Variants in PCDHA2 observed in about 807,000 individuals in gnomAD.
PCDHA2 encodes protocadherin alpha-2.
In PCDHA2, 58 loss-of-function variants were observed where a neutral mutation model predicts 66.0. The ratio of observed to expected loss-of-function variants is 0.88; its 90% CI spans 0.71 to 1.09. The LOEUF (loss-of-function observed/expected upper bound fraction) is 1.09, where lower values mean the gene tolerates loss of function less well. Ranked by LOEUF, PCDHA2 falls within the 50% of genes least tolerant of loss-of-function variation. The pLI is 0.00. For synonymous variants in PCDHA2, 634 were observed against 554.0 expected (o/e 1.14, Z -2.03); for missense variants, 1,267 against 1,242.3 (o/e 1.02, Z -0.30).
intron 1 of PCDHA2, chr5:140,849,278 G>A (rs1427040308): frequency 8.5e-7 from 1 of 1,179,884 alleles, no homozygotes; most frequent in Non-Finnish European, 1.2e-6. Context: ...GAACGCTGGT[G>A]ATTCACCCCA....
At position 140,813,701 on chromosome 5, in the gene PCDHA2, T is replaced by A. The variant is rs1357326463; in HGVS notation, c.2388+16349T>A. The A allele has an allele frequency of 2.6e-5, 4 of 152,292 alleles. No individual in the cohort carries two copies. In the East Asian group the frequency reaches 7.7e-4, roughly 29 times the overall value. 9.4% of individuals were successfully genotyped at this position (152,292 alleles called of 1,614,324 possible). A position where few individuals can be genotyped will look rare whatever the true frequency, so the allele number is the denominator to read the frequency against. ...AGGCTACACTCAATTTATCAAAAAA[T>A]TTTCTTTTTACAGGCTGGTCATGGT... On this transcript the variant is annotated intron_variant, in intron 1 of 3. Transcript: ENST00000526136.
chr5:140,806,949 T>G, intron 1 of PCDHA2: 1 of 585,050 alleles, frequency 1.7e-6, no homozygotes, highest in Non-Finnish European at 3.0e-6. Flanking sequence ...GTAGAGTGTG[T>G]GGGGGTTTCC....
intron 1 of PCDHA2, among the ~76,000 whole-genome samples, chr5:140,902,546 A>G (rs1456804685): frequency 6.6e-6 from 1 of 152,088 alleles, no homozygotes; most frequent in Non-Finnish European, 1.5e-5. Context: ...TGTTCCTTCT[A>G]TACCCAGATT....
intron 1 of PCDHA2, chr5:140,830,206 C>G (rs2150182712): frequency 1.2e-6 from 2 of 1,613,782 alleles, no homozygotes; most frequent in Middle Eastern, 1.7e-4. Context: ...TCGCCATCTG[C>G]GCGGTATCCA....
chr5:140,956,132 C>T (rs782171826), intron 1 of PCDHA2, among the ~76,000 whole-genome samples: 1 of 152,028 alleles, frequency 6.6e-6, no homozygotes, highest in African/African-American at 2.4e-5. Context: ...ATTTGAATAC[C>T]CTTTATTTCT....
In PCDHA2 at chr5:140,853,190, C is replaced by A. The variant is rs1013741160; in HGVS notation, c.2388+55838C>A. On this transcript the variant is annotated intron_variant, in intron 1 of 3. Transcript: ENST00000526136. ...CACCGCGCCTGGCCTAAAATGTGTT[C>A]TTTATTATTGACGGCTGTATTGATG... is the stretch of plus-strand genomic sequence containing the variant. 7.1e-6 allele frequency: 7 copies of A among 980,440 alleles called. No individual in the cohort carries two copies. In the African/African-American group the frequency reaches 1.2e-4, roughly 17 times the overall value. The allele number at this position is 980,440 out of a possible 1,614,324, so 60.7% of individuals were successfully genotyped here.
intron 1 of PCDHA2, chr5:140,841,437 C>A (rs2150315470): frequency 1.2e-6 from 2 of 1,612,838 alleles, no homozygotes; most frequent in Non-Finnish European, 1.7e-6. Context: ...CCCGAGGAGG[C>A]CAAACACGGC....
At chr5:140,976,316 C>T (rs1336395893) in intron 1 of PCDHA2, among the ~76,000 whole-genome samples, 17 of 152,002 alleles carry the variant, frequency 1.1e-4, no homozygotes, top group Admixed American at 1.0e-3. Context: ...TTTGGGAGGC[C>T]GAGGAGGGTG....
chr5:140,875,865 G>C (rs782211791), intron 1 of PCDHA2: 6 of 1,614,160 alleles, frequency 3.7e-6, no homozygotes, highest in Non-Finnish European at 5.1e-6. Context: ...ACAACCCGCC[G>C]GTGTTCAGAG....
chr5:140,898,246 A>G (rs377438166), intron 1 of PCDHA2, among the ~76,000 whole-genome samples: 49 of 152,286 alleles, frequency 3.2e-4, no homozygotes, highest in African/African-American at 1.1e-3. Context: ...TTGGTGTTTT[A>G]GACATGAAGT....
chr5:140,967,453 C>A (rs782630345), intron 1 of PCDHA2: 1 of 1,613,556 alleles, frequency 6.2e-7, no homozygotes, highest in Non-Finnish European at 8.5e-7. Context: ...TTCTCACAGC[C>A]GTGGATGGGG....
chr5:140,941,310 C>T (rs1375547519), intron 1 of PCDHA2, among the ~76,000 whole-genome samples: 10 of 79,218 alleles, frequency 1.3e-4, no homozygotes, highest in Non-Finnish European at 1.8e-4. Flanking sequence ...CTTTCTTTTT[C>T]TTCTTTCTCT....
chr5:140,958,484 G>T (rs246009), intron 1 of PCDHA2, among the ~76,000 whole-genome samples: 1 of 151,754 alleles, frequency 6.6e-6, no homozygotes, highest in Non-Finnish European at 1.5e-5. Flanking sequence ...AGAGCACTAA[G>T]TCCACATATC....
intron 1 of PCDHA2, chr5:140,836,151 G>C: frequency 6.2e-7 from 1 of 1,613,828 alleles, no homozygotes. Context: ...CGCGGGCCAT[G>C]TGGTGGCGAA....
In PCDHA2 at chr5:140,795,678, T is replaced by C; in HGVS notation, c.714T>C (p.Asn238=). The C allele has an allele frequency of 1.9e-6, 3 of 1,614,122 alleles. No homozygotes were observed. Among genetic ancestry groups the C allele is most frequent in the South Asian group, 2.2e-5 (2 of 91,084 alleles). ...ILIKVLDVND[N]EPTFAQSVYK... is the part of the protein sequence containing the mutation. ...TTAAGGTATTAGATGTAAATGACAA[T>C]GAACCAACTTTTGCCCAATCAGTTT... Residue 238 remains asparagine (N), a synonymous_variant, in exon 1 of 4, where the codon AAT becomes AAC. Transcript: ENST00000526136.
rs782727470 is a variant in PCDHA2, at chr5:140,795,963, T to C, written c.999T>C (p.His333=). ...TDKGTPSMSG[H]CKISLKLVDI... ...AAGGAACCCCTTCAATGTCAGGACA[T>C]TGTAAAATTTCATTAAAACTTGTGG... Residue 333 remains histidine, a synonymous_variant, in exon 1 of 4, where the codon CAT becomes CAC. Transcript: ENST00000526136. 6 of 1,614,084 alleles carry C rather than the reference T, an allele frequency of 3.7e-6. No homozygotes were observed. The South Asian group carries it at 6.6e-5, about 18-fold the overall frequency.
At chr5:140,826,012 A>G (rs1554130428) in intron 1 of PCDHA2, among the ~76,000 whole-genome samples, 3 of 152,212 alleles carry the variant, frequency 2.0e-5, no homozygotes, top group Non-Finnish European at 4.4e-5. Context: ...CACACTTTAC[A>G]TGATAAAATG....
intron 1 of PCDHA2, among the ~76,000 whole-genome samples, chr5:140,833,285 G>A (rs1166936002): frequency 1.3e-5 from 2 of 152,118 alleles, no homozygotes; most frequent in Non-Finnish European, 2.9e-5. Flanking sequence ...ATTTAGGAAA[G>A]CATCTGAATA....
intron 1 of PCDHA2, among the ~76,000 whole-genome samples, chr5:140,820,358 G>C (rs1243273378): frequency 2.0e-5 from 3 of 151,858 alleles, no homozygotes; most frequent in Non-Finnish European, 2.9e-5. Flanking sequence ...AATTTCCTCT[G>C]ACTTTGCATT....
Sources: allele counts gnomAD v4.1 joint callset (sites outside exome capture counted in the v4.1 genomes callset), GRCh38; gene constraint gnomAD v4.1.1; transcripts MANE v1.5; gene names NCBI Gene and HGNC (gene_info 2026-07-23, HGNC 2026-07-21).